Variants in SFRP1 observed in about 807,000 individuals in gnomAD.
SFRP1 encodes secreted frizzled related protein 1.
A neutral mutation model predicts 25.9 loss-of-function variants in SFRP1; 9 were observed. That is an observed-to-expected ratio of 0.35 (90% confidence interval 0.21 to 0.61). The LOEUF is 0.61. Ranked by LOEUF, SFRP1 falls within the 20% of genes least tolerant of loss-of-function variation. The pLI is 0.78. For synonymous variants in SFRP1, 178 were observed against 174.0 expected, an observed-to-expected ratio of 1.02 and a Z score of -0.18; for missense variants, 346 against 418.2, an observed-to-expected ratio of 0.83 and a Z score of 1.51.
At chr8:41,306,480 TACAC>T (rs61425542) in intron 1 of SFRP1, among the ~76,000 whole-genome samples, 53 of 147,366 alleles carry the variant, frequency 3.6e-4, no homozygotes, top group African/African-American at 1.0e-3. Flanking sequence ...TCTACACACC[TACAC>T]ACACACACAC....
chr8:41,266,266 A>C (rs944716450), intron 2 of SFRP1, among the ~76,000 whole-genome samples: 1 of 152,176 alleles, frequency 6.6e-6, no homozygotes, highest in African/African-American at 2.4e-5. Flanking sequence ...CATCGGTGCC[A>C]GGAGATCCTC....
chr8:41,292,035 C>T (rs779972626), intron 2 of SFRP1, among the ~76,000 whole-genome samples: 1 of 152,182 alleles, frequency 6.6e-6, no homozygotes, highest in Admixed American at 6.5e-5. Context: ...CCGAGGCTCA[C>T]TGCAGGGCTT....
At chr8:41,307,721 C>G (rs1328925576) in intron 1 of SFRP1, among the ~76,000 whole-genome samples, 1 of 152,176 alleles carries the variant, frequency 6.6e-6, no homozygotes, top group Non-Finnish European at 1.5e-5. Flanking sequence ...TATTTGACTT[C>G]CCAGGATTTT....
rs188887166 is a variant in SFRP1, at chr8:41,294,810, C to T, written c.622+8651G>A. On this transcript the variant is annotated intron_variant, in intron 2 of 2. Coordinates refer to ENST00000220772, the MANE Select transcript of SFRP1 (RefSeq NM_003012.5). Reference sequence around the variant, plus strand: ...CTGCACATGCACCGAGATCCCAACCCCAAAAGCCCACACAGACACAAATGT... The same window carrying T: ...CTGCACATGCACCGAGATCCCAACCTCAAAAGCCCACACAGACACAAATGT... Among the ~76,000 whole-genome samples, 211 of 152,222 alleles carry T rather than the reference C, an allele frequency of 1.4e-3. No individual in the cohort carries two copies. In the East Asian group the frequency reaches 0.014, roughly 10 times the overall value.
intron 2 of SFRP1, among the ~76,000 whole-genome samples, chr8:41,303,097 C>A (rs1202778500): frequency 6.6e-6 from 1 of 151,124 alleles, no homozygotes; most frequent in African/African-American, 2.4e-5. Flanking sequence ...AAAAACCGGG[C>A]CCAACCAGAC....
chr8:41,306,650 C>A lies in SFRP1; in HGVS notation c.544+1966G>T, dbSNP rs2117523514. On this transcript the variant is annotated intron_variant, in intron 1 of 2. Transcript: ENST00000220772. ...CACTGAGGGGAAAACCAGTCCCAAG[C>A]CCCACTCCCGACCGGCCCTCTCCCC... The A allele has an allele frequency of 4.6e-6, 7 of 1,534,120 alleles. 1 individual carries two copies. In the South Asian group the frequency reaches 7.2e-5, roughly 16 times the overall value.
At chr8:41,306,587 G>A (rs867921506) in intron 1 of SFRP1, 4 of 1,030,934 alleles carry the variant, frequency 3.9e-6, no homozygotes, top group Middle Eastern at 2.9e-4. Flanking sequence ...CCTGGGGAGG[G>A]TGGTGTGCCA....
Position 41,265,112 on chromosome 8 carries a change from T to TCCCCCC in SFRP1, c.*49_*54dup. On this transcript the variant is annotated 3_prime_UTR_variant, in exon 3 of 3. Transcript: ENST00000220772. The stretch of plus-strand genomic sequence containing the variant: ...GACCCACCGGGTTCCCGGGGCACTG[T>TCCCCCC]CCCCCCCGCTCCCACCCCACCCGAG... The TCCCCCC allele has an allele frequency of 1.9e-6, 1 of 517,774 alleles. No homozygotes were observed. Among genetic ancestry groups the TCCCCCC allele is most frequent in the Non-Finnish European group, 3.6e-6 (1 of 279,106 alleles). 32.1% of individuals were successfully genotyped at this position (517,774 alleles called of 1,614,324 possible).
At chr8:41,274,039 T>A (rs1442995246) in intron 2 of SFRP1, among the ~76,000 whole-genome samples, 1 of 152,240 alleles carries the variant, frequency 6.6e-6, no homozygotes, top group Non-Finnish European at 1.5e-5. Context: ...CTCTGGGACT[T>A]TGGGGCTTGC....
intron 2 of SFRP1, among the ~76,000 whole-genome samples, chr8:41,303,188 C>G (rs574927428): frequency 1.3e-5 from 2 of 151,870 alleles, no homozygotes; most frequent in Non-Finnish European, 2.9e-5. Context: ...CGACCTGTCC[C>G]CAAATCAGCC....
At chr8:41,270,302 A>G (rs1301035370) in intron 2 of SFRP1, among the ~76,000 whole-genome samples, 7 of 152,258 alleles carry the variant, frequency 4.6e-5, no homozygotes, top group Non-Finnish European at 7.3e-5. Context: ...AGTCAAAAAA[A>G]CAAGTTATAA....
chr8:41,278,754 AAAT>A (rs1803600350), intron 2 of SFRP1, among the ~76,000 whole-genome samples: 2 of 152,202 alleles, frequency 1.3e-5, no homozygotes, highest in South Asian at 4.1e-4. Flanking sequence ...CACACTCCAC[AAAT>A]AATAATCAGC....
Position 41,273,806 on chromosome 8 carries a change from G to C in SFRP1, c.623-8317C>G, listed in dbSNP as rs1256867467. ...AGGCTGGAAACGTGTGTGTGTCCAA[G>C]AGGGTGTTTCAGAGGAGACTGACAT... On this transcript the variant is annotated intron_variant, in intron 2 of 2. Transcript: ENST00000220772. Among the ~76,000 whole-genome samples the C allele has an allele frequency of 2.6e-5, 4 of 152,170 alleles. No homozygotes were observed. In the East Asian group the frequency reaches 7.7e-4, roughly 29 times the overall value.
At chr8:41,279,992 A>T (rs1803614931) in intron 2 of SFRP1, among the ~76,000 whole-genome samples, 1 of 152,176 alleles carries the variant, frequency 6.6e-6, no homozygotes, top group Non-Finnish European at 1.5e-5. Context: ...GCTTTATGTC[A>T]ATAGCAGGAA....
chr8:41,265,424 TC>T lies in SFRP1; in HGVS notation c.687del (p.Lys230ArgfsTer4). On this transcript the variant is annotated frameshift_variant, in exon 3 of 3. Coordinates refer to ENST00000220772, the MANE Select transcript of SFRP1 (RefSeq NM_003012.5). LOFTEE classifies it high-confidence loss of function. ...ATGGGCCCCAACTTCAGGGGCTTCTTCTTCTTGGGGACAATCTTCTTGTCGC... is the reference window on the plus strand; with the variant it reads ...ATGGGCCCCAACTTCAGGGGCTTCTTTTCTTGGGGACAATCTTCTTGTCGC... ...ENGDKKIVPK[K>X]KKPLKLGPIK... 1 of 1,612,878 alleles carries T rather than the reference TC, an allele frequency of 6.2e-7. No homozygotes were observed. The highest frequency in any genetic ancestry group is 8.5e-7 in the Non-Finnish European group (1 of 1,179,850).
intron 2 of SFRP1, among the ~76,000 whole-genome samples, chr8:41,284,747 A>C (rs1803677475): frequency 6.6e-6 from 1 of 152,206 alleles, no homozygotes. Flanking sequence ...GAGCATTCTT[A>C]GGTGAGGCAG....
intron 2 of SFRP1, among the ~76,000 whole-genome samples, chr8:41,285,411 C>T (rs1803686735): frequency 6.6e-6 from 1 of 152,204 alleles, no homozygotes; most frequent in African/African-American, 2.4e-5. Context: ...GCTCAATCAG[C>T]CTCCCTCATT....
intron 1 of SFRP1, among the ~76,000 whole-genome samples, chr8:41,308,340 C>T (rs749708199): frequency 1.3e-4 from 20 of 152,092 alleles, no homozygotes; most frequent in African/African-American, 4.8e-4. Context: ...AGAGCGGCTC[C>T]GGGGACCACA....
intron 1 of SFRP1, 111 bp from the exon 2 acceptor site, chr8:41,303,649 CTG>C: frequency 1.3e-6 from 1 of 771,814 alleles, no homozygotes; most frequent in African/African-American, 1.7e-5. Flanking sequence ...TAAAGGTCTT[CTG>C]GAACTTCTGA....
Sources: allele counts gnomAD v4.1 joint callset (sites outside exome capture counted in the v4.1 genomes callset), GRCh38; gene constraint gnomAD v4.1.1; transcripts MANE v1.5; gene names NCBI Gene and HGNC (gene_info 2026-07-23, HGNC 2026-07-21).